The following SLC25A21 variants were observed in gnomAD, a reference collection of about 807,000 sequenced individuals.
The protein encoded by SLC25A21 is mitochondrial 2-oxodicarboxylate carrier.
In SLC25A21, 47 loss-of-function variants were observed where a neutral mutation model predicts 43.8. The observed-to-expected ratio is 1.07, with a 90% CI of 0.85 to 1.37. The LOEUF (loss-of-function observed/expected upper bound fraction) is 1.37. Ranked by LOEUF, SLC25A21 falls within the 40% of genes most tolerant of loss-of-function variation. The probability of loss-of-function intolerance (pLI) is 0.00; values close to 1 mark genes in which losing one functional copy is unlikely to be tolerated. For missense variants in SLC25A21, 352 were observed against 350.2 expected (o/e 1.00, Z -0.04); for synonymous variants, 131 against 121.3 (o/e 1.08, Z -0.52).
intron 1 of SLC25A21, among the ~76,000 whole-genome samples, chr14:37,036,060 T>G (rs1961319742): frequency 6.6e-6 from 1 of 152,204 alleles, no homozygotes; most frequent in Admixed American, 6.5e-5. Flanking sequence ...TTGAGAATTT[T>G]TATGGCTTTT....
chr14:37,149,981 T>A (rs943617185), intron 1 of SLC25A21, among the ~76,000 whole-genome samples: 34 of 152,268 alleles, frequency 2.2e-4, no homozygotes, highest in African/African-American at 7.9e-4. Context: ...ATATGTATCA[T>A]ACTTAAAACT....
chr14:37,066,594 A>G (rs1396484329), intron 1 of SLC25A21, among the ~76,000 whole-genome samples: 1 of 152,180 alleles, frequency 6.6e-6, no homozygotes, highest in Non-Finnish European at 1.5e-5. Context: ...CTCTTCAGAA[A>G]TAAACACTGC....
chr14:36,882,235 T>G (rs1053548813), intron 1 of SLC25A21, among the ~76,000 whole-genome samples: 3 of 151,922 alleles, frequency 2.0e-5, no homozygotes, highest in Non-Finnish European at 4.4e-5. Context: ...ATACAAAAAT[T>G]AGTCAGGCGT....
At chr14:37,165,600 A>G (rs549809233) in intron 1 of SLC25A21, among the ~76,000 whole-genome samples, 2 of 152,214 alleles carry the variant, frequency 1.3e-5, no homozygotes, top group Admixed American at 6.5e-5. Context: ...AGTTGCCACT[A>G]TGGAAGAAAA....
chr14:36,938,857 A>C (rs958983644), intron 1 of SLC25A21, among the ~76,000 whole-genome samples: 3 of 152,066 alleles, frequency 2.0e-5, no homozygotes, highest in African/African-American at 7.2e-5. Context: ...CAAAAACAAA[A>C]AACTTCAGAA....
intron 1 of SLC25A21, among the ~76,000 whole-genome samples, chr14:37,131,251 GAAGT>G (rs1195120371): frequency 6.6e-6 from 1 of 152,150 alleles, no homozygotes; most frequent in Admixed American, 6.5e-5. Context: ...TTCTGTGAAA[GAAGT>G]AACAAAAAGG....
intron 1 of SLC25A21, among the ~76,000 whole-genome samples, chr14:37,101,568 G>A (rs1962817664): frequency 6.6e-6 from 1 of 152,086 alleles, no homozygotes; most frequent in Non-Finnish European, 1.5e-5. Flanking sequence ...TATTTTAATT[G>A]TTAAAAATTT....
chr14:36,762,853 T>C (rs916827329), intron 3 of SLC25A21, among the ~76,000 whole-genome samples: 1 of 152,216 alleles, frequency 6.6e-6, no homozygotes, highest in Non-Finnish European at 1.5e-5. Context: ...AGTATTAGCC[T>C]ATCTCTCTAG....
In SLC25A21 at chr14:36,803,024, G is replaced by T. The variant is rs543520628; in HGVS notation, c.203+10894C>A. Among the ~76,000 whole-genome samples the T allele has an allele frequency of 1.2e-3, 180 of 152,308 alleles. 2 individuals are homozygous for T. The highest frequency in any genetic ancestry group is 4.1e-3 in the African/African-American group (171 of 41,572). On this transcript the variant is annotated intron_variant, in intron 3 of 9. Coordinates refer to ENST00000331299, the MANE Select transcript of SLC25A21 (RefSeq NM_030631.4). ...CCTCTGGAATGCCAAACACTAGAAAGTTATTGAAATTTCTTCTTACTCATC... is the reference window on the plus strand; with the variant it reads ...CCTCTGGAATGCCAAACACTAGAAATTTATTGAAATTTCTTCTTACTCATC...
chr14:37,169,604 C>CACACACACACACATAG (rs1242965821), intron 1 of SLC25A21, among the ~76,000 whole-genome samples: 1 of 151,250 alleles, frequency 6.6e-6, no homozygotes, highest in Non-Finnish European at 1.5e-5. Flanking sequence ...CACACACACA[C>CACACACACACACATAG]ACAGAAGTGT....
In SLC25A21 at chr14:36,886,757, G is replaced by GT. The variant is rs961408495; in HGVS notation, c.71-11754dup. ...TCTCACCTGTAAACAAAGTTTTTATGTAAGTCAATTTCAGCTCAATATAAT... is the reference window on the plus strand; with the variant it reads ...TCTCACCTGTAAACAAAGTTTTTATGTTAAGTCAATTTCAGCTCAATATAAT... On this transcript the variant is annotated intron_variant, in intron 1 of 9. Coordinates refer to ENST00000331299, the MANE Select transcript of SLC25A21 (RefSeq NM_030631.4). Among the ~76,000 whole-genome samples, 125 of 152,262 alleles carry GT rather than the reference G, an allele frequency of 8.2e-4. 1 individual carries two copies. Among genetic ancestry groups the GT allele is most frequent in the African/African-American group, 3.0e-3 (124 of 41,554 alleles).
intron 7 of SLC25A21, among the ~76,000 whole-genome samples, chr14:36,699,079 T>C (rs1321390159): frequency 6.6e-6 from 1 of 152,130 alleles, no homozygotes; most frequent in African/African-American, 2.4e-5. Context: ...TGGTCTTTGA[T>C]GTTGGTGACC....
At chr14:36,948,912 T>C (rs972445251) in intron 1 of SLC25A21, among the ~76,000 whole-genome samples, 5 of 152,230 alleles carry the variant, frequency 3.3e-5, no homozygotes, top group Non-Finnish European at 5.9e-5. Flanking sequence ...AAAGTTTGGA[T>C]TTGTCATATA....
chr14:36,971,233 T>C (rs150335690), intron 1 of SLC25A21, among the ~76,000 whole-genome samples: 82 of 152,230 alleles, frequency 5.4e-4, no homozygotes, highest in African/African-American at 1.9e-3. Context: ...AGCCCCAACA[T>C]CATTTTCTTT....
At chr14:36,972,017 T>C (rs765132134) in intron 1 of SLC25A21, among the ~76,000 whole-genome samples, 2 of 152,162 alleles carry the variant, frequency 1.3e-5, no homozygotes, top group Non-Finnish European at 2.9e-5. Flanking sequence ...TAAATAAGGA[T>C]GTTTTGGTCA....
chr14:36,929,679 A>C (rs1755792326), intron 1 of SLC25A21, among the ~76,000 whole-genome samples: 1 of 152,174 alleles, frequency 6.6e-6, no homozygotes, highest in African/African-American at 2.4e-5. Flanking sequence ...TTAAATAAAA[A>C]GTGGTCCTAT....
Position 36,679,883 on chromosome 14 carries a change from T to C in SLC25A21, c.*775A>G. ...TCAAAGAGAACTATGTGGAGGAAAG[T>C]AAATTTTATTTCATGTTTCCTACTT... On this transcript the variant is annotated 3_prime_UTR_variant, in exon 10 of 10. Coordinates refer to ENST00000331299, the MANE Select transcript of SLC25A21 (RefSeq NM_030631.4). 2.1e-6 allele frequency: 2 copies of C among 972,970 alleles called. No homozygotes were observed. Among genetic ancestry groups the C allele is most frequent in the African/African-American group, 3.5e-5 (2 of 57,026 alleles). 60.3% of individuals were successfully genotyped at this position (972,970 alleles called of 1,614,324 possible). A position where few individuals can be genotyped will look rare whatever the true frequency, so the allele number is the denominator to read the frequency against.
chr14:37,095,177 G>C (rs966365973), intron 1 of SLC25A21, among the ~76,000 whole-genome samples: 9 of 152,140 alleles, frequency 5.9e-5, no homozygotes, highest in African/African-American at 2.2e-4. Context: ...CCATGGTTTA[G>C]AATAGGTTTG....
rs149535012 is a variant in SLC25A21 at position 36,683,852 on chromosome 14, G to A, written c.814C>T (p.Pro272Ser). 8.1e-6 allele frequency: 13 copies of A among 1,606,898 alleles called. No homozygotes were observed. The highest frequency in any genetic ancestry group is 1.7e-4 in the Middle Eastern group (1 of 6,034). Residue 272 changes from proline (P) to serine (S), a missense_variant, in exon 9 of 10, where the codon CCC becomes TCC. Coordinates refer to ENST00000331299, the MANE Select transcript of SLC25A21 (RefSeq NM_030631.4). Reference sequence around the variant, plus strand: ...CCTGGTCCAAGTCTCATAATCTTGGGAAGCAGGCCTTTGTACAAAGCTAAA... The same window carrying A: ...CCTGGTCCAAGTCTCATAATCTTGGAAAGCAGGCCTTTGTACAAAGCTAAA... The part of the protein sequence containing the change: ...GILALYKGLL[P>S]KIMRLGPGGA...
Sources: allele counts gnomAD v4.1 joint callset (sites outside exome capture counted in the v4.1 genomes callset), GRCh38; gene constraint gnomAD v4.1.1; transcripts MANE v1.5; gene names NCBI Gene and HGNC (gene_info 2026-07-23, HGNC 2026-07-21).